TBL1X: variants seen among roughly 807,000 people sequenced by gnomAD.
TBL1X encodes the protein F-box-like/WD repeat-containing protein TBL1X.
TBL1X carries 10 observed loss-of-function variants against 50.7 expected under a neutral mutation model. The observed-to-expected ratio is 0.20, with a 90% CI of 0.12 to 0.33. The LOEUF is 0.33. TBL1X is among the 10% of genes least tolerant of loss of function. TBL1X has a pLI of 1.00. For synonymous variants in TBL1X, 190 were observed against 214.7 expected (o/e 0.88, Z 1.01); for missense variants, 340 against 504.4 (o/e 0.67, Z 3.12).
In TBL1X at chrX:9,492,877, GTGTGTGTGTGTGTGTGT is replaced by G. The variant is rs1293612008; in HGVS notation, c.-200-8902_-200-8886del. On this transcript the variant is annotated intron_variant, in intron 1 of 17. Transcript: ENST00000645353. ...TGTGTGTGTGTGTGTGTGTGTGTGT[GTGTGTGTGTGTGTGTGT>G]GTGTAGGGGAGGAAGGAATGGAAGG... Among the ~76,000 whole-genome samples the G allele has an allele frequency of 2.4e-3, 117 of 49,316 alleles. 3 individuals carry two copies. In the Middle Eastern group the frequency reaches 0.025, roughly 10 times the overall value. 42.8% of individuals were successfully genotyped at this position (49,316 alleles called of 115,157 possible).
At chrX:9,700,598 C>G (rs2083163899) in intron 12 of TBL1X, among the ~76,000 whole-genome samples, 2 of 111,341 alleles carry the variant, frequency 1.8e-5, no homozygotes, top group African/African-American at 3.3e-5. Flanking sequence ...AAAGAACGTT[C>G]AAAATGAAGA....
intron 2 of TBL1X, among the ~76,000 whole-genome samples, chrX:9,557,013 G>A (rs1323891083): frequency 9.0e-6 from 1 of 111,404 alleles, no homozygotes; most frequent in Non-Finnish European, 1.9e-5. Context: ...TTTTTTAAAA[G>A]ATGAACTGAT....
chrX:9,688,760 G>A (rs1471466680), intron 7 of TBL1X, among the ~76,000 whole-genome samples: 1 of 112,778 alleles, frequency 8.9e-6, no homozygotes, highest in Non-Finnish European at 1.9e-5. Context: ...TGAGTATGTG[G>A]CCAGTCAGAG....
At chrX:9,502,486 C>A (rs1468927710) in intron 2 of TBL1X, among the ~76,000 whole-genome samples, 1 of 112,333 alleles carries the variant, frequency 8.9e-6, no homozygotes, top group African/African-American at 3.2e-5. Context: ...GTCTTGAGTG[C>A]AGGCTGCTGA....
At chrX:9,561,078 C>CT (rs2082322888) in intron 2 of TBL1X, among the ~76,000 whole-genome samples, 1 of 111,743 alleles carries the variant, frequency 8.9e-6, no homozygotes, top group African/African-American at 3.3e-5. Flanking sequence ...CCAGGGCTGA[C>CT]TGTCTGTGTA....
At chrX:9,530,800 C>A (rs1018194032) in intron 2 of TBL1X, among the ~76,000 whole-genome samples, 20 of 111,909 alleles carry the variant, frequency 1.8e-4, no homozygotes, top group African/African-American at 6.5e-4. Context: ...CCCGAGAATA[C>A]ATATACTTTT....
chrX:9,572,163 CTG>C (rs2082389573), intron 2 of TBL1X, among the ~76,000 whole-genome samples: 1 of 112,227 alleles, frequency 8.9e-6, no homozygotes, highest in Admixed American at 9.4e-5. Flanking sequence ...CACTTCTCTG[CTG>C]CTTTAGGAAC....
intron 9 of TBL1X, among the ~76,000 whole-genome samples, chrX:9,692,884 C>T (rs765004572): frequency 8.9e-6 from 1 of 112,581 alleles, no homozygotes; most frequent in South Asian, 3.6e-4. Flanking sequence ...GTCGTGCAGC[C>T]CAGGAAAGGT....
intron 2 of TBL1X, among the ~76,000 whole-genome samples, chrX:9,590,386 T>G (rs1355749381): frequency 1.0e-5 from 1 of 96,445 alleles, no homozygotes; most frequent in African/African-American, 3.9e-5. Context: ...AAAAGTCAGA[T>G]GAAAACACGA....
rs149295453 is a variant in TBL1X, at chrX:9,553,649, C to T, written c.-131+51800C>T. Among the ~76,000 whole-genome samples the T allele has an allele frequency of 9.8e-4, 110 of 111,788 alleles. 1 individual carries two copies. The East Asian group carries it at 0.03, about 30-fold the overall frequency. Reference sequence around the variant, plus strand: ...TCCTTCCTCTTGCAATGAGAAGCGACAGCCTCGTGGTGAAATTTGTTAGCT... The same window carrying T: ...TCCTTCCTCTTGCAATGAGAAGCGATAGCCTCGTGGTGAAATTTGTTAGCT... On this transcript the variant is annotated intron_variant, in intron 2 of 17. Transcript: ENST00000645353.
chrX:9,593,707 A>G (rs34049694), intron 2 of TBL1X, among the ~76,000 whole-genome samples: 37,252 of 108,340 alleles, frequency 0.34, 4,820 homozygotes, highest in East Asian at 0.67. Context: ...TTCCTTTCCA[A>G]CCCCACACCC....
At chrX:9,709,823 T>C in intron 15 of TBL1X, 63 bp downstream of exon 15, 2 of 1,174,219 alleles carry the variant, frequency 1.7e-6, no homozygotes, top group East Asian at 6.1e-5. Flanking sequence ...GAAATTCTGC[T>C]AAAGCGCGTC....
intron 2 of TBL1X, among the ~76,000 whole-genome samples, chrX:9,622,714 C>T (rs747366152): frequency 8.9e-6 from 1 of 112,009 alleles, no homozygotes; most frequent in South Asian, 3.7e-4. Context: ...GTTGGCCAGG[C>T]TGGTCTCGAA....
At chrX:9,498,247 T>G (rs149504573) in intron 1 of TBL1X, among the ~76,000 whole-genome samples, 132 of 111,675 alleles carry the variant, frequency 1.2e-3, no homozygotes, top group African/African-American at 4.1e-3. Flanking sequence ...AGGCCCTCAT[T>G]TAAGCTGCTC....
intron 2 of TBL1X, among the ~76,000 whole-genome samples, chrX:9,515,633 T>C (rs1807360846): frequency 8.9e-6 from 1 of 111,970 alleles, no homozygotes; most frequent in African/African-American, 3.3e-5. Flanking sequence ...GAGTGAGGCA[T>C]GGAGTGAAAT....
chrX:9,653,021 C>T (rs1169065808), intron 3 of TBL1X, among the ~76,000 whole-genome samples: 2 of 110,852 alleles, frequency 1.8e-5, no homozygotes, highest in Admixed American at 1.9e-4. Context: ...AAAAATTAGC[C>T]GGGCGTATTG....
chrX:9,715,742 T>C (rs1176612245), intron 17 of TBL1X, among the ~76,000 whole-genome samples: 2 of 111,807 alleles, frequency 1.8e-5, no homozygotes, highest in African/African-American at 6.5e-5. Flanking sequence ...CTGGTGGCCA[T>C]CCTGCAGGTC....
Position 9,717,689 on chromosome X carries a change from C to T in TBL1X, c.*1443C>T, listed in dbSNP as rs960868937. The T allele has an allele frequency of 1.1e-4, 12 of 112,472 alleles. No individual in the cohort carries two copies. The highest frequency in any genetic ancestry group is 3.9e-4 in the African/African-American group (12 of 30,945). The allele number at this position is 112,472 out of a possible 1,213,427, so 9.3% of individuals were successfully genotyped here. A position where few individuals can be genotyped will look rare whatever the true frequency, so the allele number is the denominator to read the frequency against. On this transcript the variant is annotated 3_prime_UTR_variant, in exon 18 of 18. Coordinates refer to ENST00000645353, the MANE Select transcript of TBL1X (RefSeq NM_005647.4). ...CTACATCTTTCCCACAACCGTATAA[C>T]GACCGATGGTCATTTCTCCAAGAGC...
intron 5 of TBL1X, 149 bp from the exon 6 acceptor site, chrX:9,683,894 C>A: frequency 2.2e-6 from 2 of 889,857 alleles, no homozygotes; most frequent in Admixed American, 2.4e-5. Flanking sequence ...GAACCCAAAT[C>A]AGAAGCATCC....
Sources: allele counts gnomAD v4.1 joint callset (sites outside exome capture counted in the v4.1 genomes callset), GRCh38; gene constraint gnomAD v4.1.1; transcripts MANE v1.5; gene names NCBI Gene and HGNC (gene_info 2026-07-23, HGNC 2026-07-21).